RBFOX3: variants seen among roughly 807,000 people sequenced by gnomAD.
The protein encoded by RBFOX3 is RNA binding protein fox-1 homolog 3.
In RBFOX3, 17 loss-of-function variants were observed where a neutral mutation model predicts 48.7. The observed-to-expected ratio is 0.35, with a 90% CI of 0.24 to 0.52. The LOEUF is 0.52. Ranked by LOEUF, RBFOX3 falls within the 20% of genes least tolerant of loss-of-function variation. RBFOX3 has a pLI of 0.94. For missense variants in RBFOX3, 382 were observed against 497.5 expected, an observed-to-expected ratio of 0.77 and a Z score of 2.21; for synonymous variants, 212 against 209.5, an observed-to-expected ratio of 1.01 and a Z score of -0.10.
intron 1 of RBFOX3, among the ~76,000 whole-genome samples, chr17:79,529,170 C>A (rs986341987): frequency 2.9e-4 from 44 of 152,200 alleles, no homozygotes; most frequent in Non-Finnish European, 8.8e-5. Flanking sequence ...GGATTCCACG[C>A]ACTTTTGCAA....
chr17:79,258,628 G>C (rs1180371543), intron 3 of RBFOX3, among the ~76,000 whole-genome samples: 1 of 152,196 alleles, frequency 6.6e-6, no homozygotes, highest in Admixed American at 6.5e-5. Flanking sequence ...GCCAAGGGAG[G>C]GTGGGACAGG....
At chr17:79,322,824 C>G (rs564103161) in intron 2 of RBFOX3, among the ~76,000 whole-genome samples, 1 of 152,338 alleles carries the variant, frequency 6.6e-6, no homozygotes, top group South Asian at 2.1e-4. Flanking sequence ...TGACCGGCAG[C>G]ACTGGAGCTC....
At chr17:79,144,159 G>A (rs1272800405) in intron 4 of RBFOX3, among the ~76,000 whole-genome samples, 5 of 152,146 alleles carry the variant, frequency 3.3e-5, no homozygotes, top group African/African-American at 1.2e-4. Context: ...TGGCCAGAGA[G>A]GGGGGCCTGC....
chr17:79,317,234 CG>C (rs2077666812), intron 2 of RBFOX3, among the ~76,000 whole-genome samples: 1 of 152,188 alleles, frequency 6.6e-6, no homozygotes, highest in Non-Finnish European at 1.5e-5. Context: ...CCAGTTCATT[CG>C]TATTCCAAAG....
At position 79,106,734 on chromosome 17, in the gene RBFOX3, T is replaced by C. The variant is rs1568139609; in HGVS notation, c.277A>G (p.Thr93Ala). ...AGCCGCTTGGGCTGCTGCTTCTCTG[T>C]AGGGTCGGAGGGGTGGAGCGGCTGG... Reference protein sequence around the residue: ...DSQPLHPSDPTEKQQPKRLHV... With the variant: ...DSQPLHPSDPAEKQQPKRLHV... Residue 93 changes from threonine (T) to alanine (A), a missense_variant, in exon 6 of 15, where the codon ACA becomes GCA. Transcript: ENST00000693108. The C allele has an allele frequency of 5.9e-6, 9 of 1,513,572 alleles. No homozygotes were observed. Among genetic ancestry groups the C allele is most frequent in the African/African-American group, 1.4e-5 (1 of 70,058 alleles). The allele number at this position is 1,513,572 out of a possible 1,614,324, so 93.8% of individuals were successfully genotyped here.
In RBFOX3 at chr17:79,423,363, C is replaced by T. The variant is rs533364577; in HGVS notation, c.-175+59091G>A. 1.4e-3 allele frequency among the ~76,000 whole-genome samples: 217 copies of T among 152,234 alleles called. 3 individuals carry two copies. Among genetic ancestry groups the T allele is most frequent in the African/African-American group, 4.9e-3 (202 of 41,510 alleles). The stretch of plus-strand genomic sequence containing the variant: ...CTTTCAATGCTTGTGCAGATCCTGC[C>T]GCACAGACCCCAACCCTACCTCCAG... On this transcript the variant is annotated intron_variant, in intron 2 of 14. Coordinates refer to ENST00000693108, the MANE Select transcript of RBFOX3 (RefSeq NM_001350451.2). This position sits in a 1 kb window ranked among gnomAD's most constrained non-coding sequence, Gnocchi z 4.9.
At chr17:79,241,903 C>A (rs1567901882) in intron 3 of RBFOX3, among the ~76,000 whole-genome samples, 1 of 152,222 alleles carries the variant, frequency 6.6e-6, no homozygotes, top group Admixed American at 6.5e-5. Context: ...ATGACCTCAT[C>A]TAACCCTAAT....
Position 79,280,122 on chromosome 17 carries a change from A to ACG in RBFOX3, c.-74+27600_-74+27601dup, listed in dbSNP as rs1204496484. On this transcript the variant is annotated intron_variant, in intron 3 of 14. Transcript: ENST00000693108. ...CATGCACATGTGTATGCACACACAC[A>ACG]CGCACATACATGTCACACACATGTG... Among the ~76,000 whole-genome samples, 107 of 150,180 alleles carry ACG rather than the reference A, an allele frequency of 7.1e-4. 1 individual carries two copies. Among genetic ancestry groups the ACG allele is most frequent in the African/African-American group, 2.0e-3 (83 of 40,778 alleles).
At chr17:79,592,303 C>T (rs2093445288) in intron 1 of RBFOX3, among the ~76,000 whole-genome samples, 1 of 150,474 alleles carries the variant, frequency 6.6e-6, no homozygotes, top group African/African-American at 2.5e-5. Flanking sequence ...TGTGTGTGCA[C>T]ATATGCATGC....
Position 79,097,468 on chromosome 17 carries a change from G to T in RBFOX3, c.623-44C>A, listed in dbSNP as rs905498949. The T allele has an allele frequency of 4.5e-5, 67 of 1,498,508 alleles. 1 individual carries two copies. The Admixed American group carries it at 1.4e-3, about 30-fold the overall frequency. The allele number at this position is 1,498,508 out of a possible 1,614,324, so 92.8% of individuals were successfully genotyped here. A position where few individuals can be genotyped will look rare whatever the true frequency, so the allele number is the denominator to read the frequency against. On this transcript the variant is annotated intron_variant, in intron 10 of 14. Coordinates refer to ENST00000693108, the MANE Select transcript of RBFOX3 (RefSeq NM_001350451.2). ...GAGACACGTGTGAGAGGCACAAGGG[G>T]ACCCACCTGGCACCCCCTCCCCGTA...
intron 1 of RBFOX3, among the ~76,000 whole-genome samples, chr17:79,546,174 C>T (rs868976320): frequency 1.3e-5 from 2 of 152,222 alleles, no homozygotes; most frequent in South Asian, 4.1e-4. Flanking sequence ...CTATATTCCA[C>T]CTGCCACCAC....
At chr17:79,386,341 T>C (rs2060568014) in intron 2 of RBFOX3, among the ~76,000 whole-genome samples, 2 of 151,332 alleles carry the variant, frequency 1.3e-5, no homozygotes, top group Admixed American at 6.6e-5. Context: ...CCTCCCATCA[T>C]AGATGAAGGC....
Position 79,243,354 on chromosome 17 carries a change from G to A in RBFOX3, c.-73-7549C>T, listed in dbSNP as rs925225666. ...CACTGTACTCCTTTTGCTCATTGCC[G>A]GGTCTAACTCCAACCTGCCTCCCAC... On this transcript the variant is annotated intron_variant, in intron 3 of 14. Coordinates refer to ENST00000693108, the MANE Select transcript of RBFOX3 (RefSeq NM_001350451.2). This position sits in a 1 kb window ranked among gnomAD's most constrained non-coding sequence, Gnocchi z 7.9. 1.2e-4 allele frequency among the ~76,000 whole-genome samples: 19 copies of A among 152,084 alleles called. No homozygotes were observed. Among genetic ancestry groups the A allele is most frequent in the South Asian group, 2.1e-4 (1 of 4,828 alleles).
intron 2 of RBFOX3, among the ~76,000 whole-genome samples, chr17:79,350,229 G>A (rs2083646792): frequency 6.6e-6 from 1 of 152,138 alleles, no homozygotes; most frequent in Admixed American, 6.5e-5. Context: ...GACAGTGGCC[G>A]GCTCTGCGCC....
At chr17:79,567,976 T>C (rs1192841197) in intron 1 of RBFOX3, among the ~76,000 whole-genome samples, 1 of 152,210 alleles carries the variant, frequency 6.6e-6, no homozygotes, top group African/African-American at 2.4e-5. Flanking sequence ...AAATCAATGA[T>C]GTAAAGTCTC....
rs373093807 is a variant in RBFOX3, at chr17:79,094,499, C to A, written c.1029G>T (p.Pro343=). ...SYGRVYAAAD[P]YHHTIGPAAT... ...CCGCGGGCCCGATGGTGTGATGGTA[C>A]GGGTCGGCAGCTGCGTAGACTCTGC... is the stretch of plus-strand genomic sequence containing the variant. The change falls in exon 14 of 15, where the codon CCG becomes CCT. Residue 343 remains proline (P), a synonymous_variant. Transcript: ENST00000693108. 4.1e-6 allele frequency: 5 copies of A among 1,224,246 alleles called. No individual in the cohort carries two copies. Among genetic ancestry groups the A allele is most frequent in the Non-Finnish European group, 4.2e-6 (4 of 961,924 alleles). 75.8% of individuals were successfully genotyped at this position (1,224,246 alleles called of 1,614,324 possible).
intron 4 of RBFOX3, among the ~76,000 whole-genome samples, chr17:79,118,630 A>G (rs2034783621): frequency 1.3e-5 from 2 of 152,028 alleles, no homozygotes; most frequent in Non-Finnish European, 2.9e-5. Context: ...ACCGCCTTGC[A>G]CTGTCTTCCC....
chr17:79,245,629 A>ATTTTTT (rs10577875), intron 3 of RBFOX3, among the ~76,000 whole-genome samples: 2 of 130,286 alleles, frequency 1.5e-5, no homozygotes, highest in African/African-American at 3.0e-5. Context: ...GAACATTTGG[A>ATTTTTT]TTTTTTTTTT....
chr17:79,190,198 G>C (rs1000620477), intron 4 of RBFOX3, among the ~76,000 whole-genome samples: 2 of 152,202 alleles, frequency 1.3e-5, no homozygotes, highest in East Asian at 3.9e-4. Context: ...GATCACCTGA[G>C]GCCAGGAGTT....
Sources: gnomAD v4.1 joint callset for allele counts (sites outside exome capture counted in the v4.1 genomes callset) on GRCh38, gnomAD v4.1.1 for gene constraint, Gnocchi (gnomAD v3.1) non-coding constraint, MANE v1.5 for transcripts, NCBI Gene and HGNC (gene_info 2026-07-23, HGNC 2026-07-21) for gene names.